The following CIP2A variants were observed in gnomAD, a reference collection of about 807,000 sequenced individuals.
The protein encoded by CIP2A is protein CIP2A.
Under a neutral mutation model 110.9 loss-of-function variants are expected in CIP2A, and 103 were observed. The ratio of observed to expected loss-of-function variants is 0.93; its 90% confidence interval spans 0.79 to 1.09. The LOEUF (loss-of-function observed/expected upper bound fraction) is 1.09, where lower values mean the gene tolerates loss of function less well. Ranked by LOEUF, CIP2A falls within the 50% of genes least tolerant of loss-of-function variation. The pLI is 0.00. For missense variants in CIP2A, 1,088 were observed against 1,038.4 expected (o/e 1.05, Z -0.66); for synonymous variants, 381 against 361.6 (o/e 1.05, Z -0.61).
rs768016913 is a variant in CIP2A, at chr3:108,560,744, G to GA, written c.1731dup (p.Pro578SerfsTer21). 1.2e-6 allele frequency: 2 copies of GA among 1,612,300 alleles called. No homozygotes were observed. The highest frequency in any genetic ancestry group is 2.2e-5 in the South Asian group (2 of 91,006). On this transcript the variant is annotated frameshift_variant, in exon 14 of 21. Coordinates refer to ENST00000295746, the MANE Select transcript of CIP2A (RefSeq NM_020890.3). LOFTEE classifies it high-confidence loss of function. Reference sequence around the variant, plus strand: ...GGAGTTAAACACTTTATTGATGTTGGAAAACTGTGATTTGATGATTGCCAG... The same window carrying GA: ...GGAGTTAAACACTTTATTGATGTTGGAAAAACTGTGATTTGATGATTGCCAG...
intron 2 of CIP2A, among the ~76,000 whole-genome samples, chr3:108,583,471 T>C (rs550783695): frequency 6.6e-6 from 1 of 152,276 alleles, no homozygotes; most frequent in South Asian, 2.1e-4. Context: ...GCCATTAGGT[T>C]AAGTGAAATA....
chr3:108,561,528 T>C (rs1295184402), intron 13 of CIP2A, among the ~76,000 whole-genome samples: 1 of 151,900 alleles, frequency 6.6e-6, no homozygotes, highest in African/African-American at 2.4e-5. Flanking sequence ...AATTAAGCAG[T>C]TGTGGTGGCA....
At chr3:108,565,094 G>A (rs953482512) in intron 12 of CIP2A, among the ~76,000 whole-genome samples, 1 of 151,810 alleles carries the variant, frequency 6.6e-6, no homozygotes, top group Non-Finnish European at 1.5e-5. Context: ...ACACAAGAAA[G>A]GAAAAGGCTG....
intron 11 of CIP2A, 53 bp downstream of exon 11, chr3:108,566,442 CAT>C (rs1470050501): frequency 7.0e-6 from 10 of 1,429,166 alleles, no homozygotes; most frequent in Admixed American, 3.9e-5. Flanking sequence ...AGAATCACCA[CAT>C]CTTTCGATTT....
At chr3:108,570,666 C>G (rs114589931) in intron 8 of CIP2A, among the ~76,000 whole-genome samples, 1 of 152,086 alleles carries the variant, frequency 6.6e-6, no homozygotes, top group African/African-American at 2.4e-5. Context: ...AGGACACTTA[C>G]CATAAACAAA....
chr3:108,557,207 A>C lies in CIP2A; in HGVS notation c.2210+11T>G. The C allele has an allele frequency of 6.5e-7, 1 of 1,528,074 alleles. No homozygotes were observed. The highest frequency in any genetic ancestry group is 8.9e-7 in the Non-Finnish European group (1 of 1,121,246). 94.7% of individuals were successfully genotyped at this position (1,528,074 alleles called of 1,614,324 possible). A position where few individuals can be genotyped will look rare whatever the true frequency, so the allele number is the denominator to read the frequency against. Reference sequence around the variant, plus strand: ...GTTCTAACCTTACACAGAAGATTTTACTTTATTTACCTCTGAAGAAGTTCC... The same window carrying C: ...GTTCTAACCTTACACAGAAGATTTTCCTTTATTTACCTCTGAAGAAGTTCC... On this transcript the variant is annotated intron_variant, in intron 17 of 20. Coordinates refer to ENST00000295746, the MANE Select transcript of CIP2A (RefSeq NM_020890.3).
chr3:108,552,028 C>A (rs897622697), intron 20 of CIP2A, among the ~76,000 whole-genome samples: 7 of 152,158 alleles, frequency 4.6e-5, no homozygotes, highest in Admixed American at 3.9e-4. Context: ...CAGGTGCTGA[C>A]ACAAAGTATC....
chr3:108,557,963 T>C (rs1193685311), intron 16 of CIP2A, among the ~76,000 whole-genome samples: 1 of 152,144 alleles, frequency 6.6e-6, no homozygotes, highest in African/African-American at 2.4e-5. Context: ...GCCCTTTGGA[T>C]TTTATTTTAC....
chr3:108,582,099 C>T lies in CIP2A; in HGVS notation c.452+9G>A. 1.6e-6 allele frequency: 2 copies of T among 1,236,246 alleles called. No homozygotes were observed. The highest frequency in any genetic ancestry group is 1.5e-5 in the African/African-American group (1 of 65,304). 76.6% of individuals were successfully genotyped at this position (1,236,246 alleles called of 1,614,324 possible). A position where few individuals can be genotyped will look rare whatever the true frequency, so the allele number is the denominator to read the frequency against. On this transcript the variant is annotated intron_variant, in intron 4 of 20. Transcript: ENST00000295746. ...AACTATTTGGTTTTATGTTTGATTG[C>T]ATACTCACATGTGATCTATCAGGAA... is the stretch of plus-strand genomic sequence containing the variant.
In CIP2A at chr3:108,560,802, T is replaced by C; in HGVS notation, c.1674A>G (p.Gln558=). The change falls in exon 14 of 21, where the codon CAA becomes CAG. Residue 558 remains glutamine (Q), a synonymous_variant. Transcript: ENST00000295746. ...ESIAANNAYR[Q]QETEHIPRKM... ...TTCTGGGTATATGTTCTGTTTCCTG[T>C]TGTCTATAGGCATTGTTTGCTGCTA... 1.9e-6 allele frequency: 3 copies of C among 1,612,004 alleles called. No homozygotes were observed. Among genetic ancestry groups the C allele is most frequent in the Non-Finnish European group, 2.5e-6 (3 of 1,179,008 alleles).
chr3:108,576,269 A>T lies in CIP2A; in HGVS notation c.894+2T>A. ...TAAATGAAAAGTCATGTTTTTACAT[A>T]CCTTTGAAGAGGAATCAGGATCCTT... On this transcript the variant is annotated splice_donor_variant, in intron 8 of 20. Transcript: ENST00000295746. LOFTEE classifies it high-confidence loss of function. 4 of 1,523,216 alleles carry T rather than the reference A, an allele frequency of 2.6e-6. No homozygotes were observed. The East Asian group carries it at 9.6e-5, about 37-fold the overall frequency. The allele number at this position is 1,523,216 out of a possible 1,614,324, so 94.4% of individuals were successfully genotyped here. A position where few individuals can be genotyped will look rare whatever the true frequency, so the allele number is the denominator to read the frequency against.
intron 2 of CIP2A, among the ~76,000 whole-genome samples, chr3:108,583,480 T>A (rs147071601): frequency 8.5e-5 from 13 of 152,274 alleles, no homozygotes; most frequent in South Asian, 2.1e-4. Flanking sequence ...TTAAGTGAAA[T>A]AAGCCAGACA....
intron 5 of CIP2A, among the ~76,000 whole-genome samples, chr3:108,580,270 A>G (rs1938820856): frequency 6.6e-6 from 1 of 152,226 alleles, no homozygotes; most frequent in African/African-American, 2.4e-5. Flanking sequence ...TGCATGTGTG[A>G]GCAAGATGGG....
At chr3:108,587,120 T>A (rs1264634828) in intron 1 of CIP2A, among the ~76,000 whole-genome samples, 1 of 151,384 alleles carries the variant, frequency 6.6e-6, no homozygotes, top group Non-Finnish European at 1.5e-5. Flanking sequence ...CAGAAAATTG[T>A]TTGGCAGTTT....
chr3:108,575,537 T>C (rs1452082083), intron 8 of CIP2A, among the ~76,000 whole-genome samples: 2 of 150,926 alleles, frequency 1.3e-5, no homozygotes, highest in African/African-American at 2.4e-5. Context: ...CACGTATATA[T>C]ACTCATATAC....
Position 108,579,346 on chromosome 3 carries a change from T to C in CIP2A, c.753A>G (p.Arg251=). ...CCATCAGTAGGTCAACTGAATACTT[T>C]CTAGTTAGAGTGCCATCACCGTTTA... ...ILINGDGTLT[R]KYSVDLLMDL... is the part of the protein sequence containing the mutation. The change falls in exon 7 of 21, where the codon AGA becomes AGG. Residue 251 remains arginine, a synonymous_variant. Coordinates refer to ENST00000295746, the MANE Select transcript of CIP2A (RefSeq NM_020890.3). 2 of 1,607,302 alleles carry C rather than the reference T, an allele frequency of 1.2e-6. No homozygotes were observed. The highest frequency in any genetic ancestry group is 1.7e-6 in the Non-Finnish European group (2 of 1,174,126).
Position 108,569,613 on chromosome 3 carries a change from CA to C in CIP2A, c.895-7del. On this transcript the variant is annotated splice_region_variant and splice_polypyrimidine_tract_variant and intron_variant, in intron 8 of 20. Coordinates refer to ENST00000295746, the MANE Select transcript of CIP2A (RefSeq NM_020890.3). Reference sequence around the variant, plus strand: ...GCAAGAAGTAATTCTAAAACCTGTGCAATATAAAGTGTTCATTAAACATCAA... The same window carrying C: ...GCAAGAAGTAATTCTAAAACCTGTGCATATAAAGTGTTCATTAAACATCAA... 1 of 1,603,892 alleles carries C rather than the reference CA, an allele frequency of 6.2e-7. No individual in the cohort carries two copies. Among genetic ancestry groups the C allele is most frequent in the African/African-American group, 1.3e-5 (1 of 74,638 alleles).
At chr3:108,571,152 C>A (rs557075180) in intron 8 of CIP2A, among the ~76,000 whole-genome samples, 17 of 152,244 alleles carry the variant, frequency 1.1e-4, no homozygotes, top group Admixed American at 7.2e-4. Flanking sequence ...AACAACAATA[C>A]CTTCTTCTGG....
intron 8 of CIP2A, among the ~76,000 whole-genome samples, chr3:108,574,265 T>C (rs1938493001): frequency 6.6e-6 from 1 of 152,084 alleles, no homozygotes; most frequent in African/African-American, 2.4e-5. Flanking sequence ...GATATTTTTA[T>C]TAATTAATAA....
Sources: allele counts gnomAD v4.1 joint callset (sites outside exome capture counted in the v4.1 genomes callset), GRCh38; gene constraint gnomAD v4.1.1; transcripts MANE v1.5; gene names NCBI Gene and HGNC (gene_info 2026-07-23, HGNC 2026-07-21).